MCF2L2: variants seen among roughly 807,000 people sequenced by gnomAD.
The protein encoded by MCF2L2 is MCF.2 cell line derived transforming sequence-like 2, also known as probable guanine nucleotide exchange factor MCF2L2.
Under a neutral mutation model 150.2 loss-of-function variants are expected in MCF2L2, and 102 were observed. That is an observed-to-expected ratio of 0.68 (90% CI 0.58 to 0.80). The LOEUF (loss-of-function observed/expected upper bound fraction) is 0.80. Among genes scored for constraint, MCF2L2 ranks in the 30% least tolerant of loss-of-function variants. MCF2L2 has a pLI of 0.00. For synonymous variants in MCF2L2, 465 were observed against 491.3 expected (o/e 0.95, Z 0.71); for missense variants, 1,256 against 1,372.8 (o/e 0.91, Z 1.34).
intron 7 of MCF2L2, among the ~76,000 whole-genome samples, chr3:183,312,576 G>A (rs1304594233): frequency 2.0e-5 from 3 of 152,204 alleles, no homozygotes; most frequent in Non-Finnish European, 2.9e-5. Flanking sequence ...GTATGCCCTT[G>A]AGCATTAGAA....
At chr3:183,304,932 A>G (rs561887160) in intron 10 of MCF2L2, among the ~76,000 whole-genome samples, 1 of 152,312 alleles carries the variant, frequency 6.6e-6, no homozygotes, top group African/African-American at 2.4e-5. Context: ...AACCTAGCAC[A>G]TGTTCCATAG....
At position 183,338,784 on chromosome 3, in the gene MCF2L2, G is replaced by A. The variant is rs1268202835; in HGVS notation, c.486+16C>T. ...AAGCCCTAACCAAATGAGACAAGAT[G>A]AAAGGTCTTGCTTACCGGCACTTTC... On this transcript the variant is annotated intron_variant, in intron 5 of 29. Transcript: ENST00000328913. The A allele has an allele frequency of 6.3e-7, 1 of 1,590,606 alleles. No individual in the cohort carries two copies. The highest frequency in any genetic ancestry group is 1.3e-5 in the African/African-American group (1 of 74,622).
At chr3:183,232,177 T>G (rs907774566) in intron 15 of MCF2L2, among the ~76,000 whole-genome samples, 5 of 152,140 alleles carry the variant, frequency 3.3e-5, no homozygotes, top group South Asian at 2.1e-4. Context: ...TGGAATGGAA[T>G]GTGGGCAGCC....
chr3:183,185,161 G>A (rs150927262), intron 27 of MCF2L2, among the ~76,000 whole-genome samples: 105 of 152,278 alleles, frequency 6.9e-4, no homozygotes, highest in Non-Finnish European at 1.4e-3. Context: ...CACGTGATCC[G>A]CCCACCTTGG....
At chr3:183,194,625 G>A (rs1722021768) in intron 26 of MCF2L2, among the ~76,000 whole-genome samples, 1 of 152,084 alleles carries the variant, frequency 6.6e-6, no homozygotes, top group African/African-American at 2.4e-5. Flanking sequence ...GGGAGGTTTC[G>A]AACTGGCAGA....
intron 25 of MCF2L2, among the ~76,000 whole-genome samples, chr3:183,200,591 G>A (rs1360919790): frequency 3.3e-5 from 5 of 152,140 alleles, no homozygotes; most frequent in African/African-American, 1.2e-4. Context: ...CACTCTGATG[G>A]TAGTTTCTTT....
rs1361131335 is a variant in MCF2L2, at chr3:183,270,766, A to T, written c.1862+6106T>A. ...ATCTATGAAAAAATGATGACATCTCATGGACACTTAGAAGATCTCCAGGAC... is the reference window on the plus strand; with the variant it reads ...ATCTATGAAAAAATGATGACATCTCTTGGACACTTAGAAGATCTCCAGGAC... On this transcript the variant is annotated intron_variant, in intron 15 of 29. Coordinates refer to ENST00000328913, the MANE Select transcript of MCF2L2 (RefSeq NM_015078.4). This position sits in a 1 kb window ranked among gnomAD's most constrained non-coding sequence, Gnocchi z 4.5. 1 of 1,613,824 alleles carries T rather than the reference A, an allele frequency of 6.2e-7. No homozygotes were observed. Among genetic ancestry groups the T allele is most frequent in the Non-Finnish European group, 8.5e-7 (1 of 1,179,862 alleles).
chr3:183,216,865 A>G (rs1011175864), intron 21 of MCF2L2, among the ~76,000 whole-genome samples: 1 of 150,894 alleles, frequency 6.6e-6, no homozygotes, highest in Non-Finnish European at 1.5e-5. Flanking sequence ...TTGGCCTCCT[A>G]AAGTGCTGGG....
intron 15 of MCF2L2, among the ~76,000 whole-genome samples, chr3:183,263,634 A>T (rs1226094141): frequency 1.3e-5 from 2 of 152,068 alleles, no homozygotes; most frequent in Non-Finnish European, 2.9e-5. Flanking sequence ...CTTCATGCTC[A>T]GAGTACCCAC....
chr3:183,386,758 C>T (rs1340484441), intron 2 of MCF2L2, among the ~76,000 whole-genome samples: 1 of 152,218 alleles, frequency 6.6e-6, no homozygotes, highest in African/African-American at 2.4e-5. Flanking sequence ...TGTTTTACAG[C>T]AACAACTATA....
intron 15 of MCF2L2, among the ~76,000 whole-genome samples, chr3:183,248,232 T>C (rs1724347384): frequency 6.6e-6 from 1 of 152,180 alleles, no homozygotes; most frequent in African/African-American, 2.4e-5. Context: ...TAGGTATTAA[T>C]ATTGGGCTTT....
intron 3 of MCF2L2, chr3:183,375,683 C>A (rs1241247586): frequency 1.3e-5 from 2 of 152,152 alleles, no homozygotes. Context: ...TAATTAATTT[C>A]AGGCACAAAG....
At chr3:183,239,576 A>AC (rs143520154) in intron 15 of MCF2L2, among the ~76,000 whole-genome samples, 1,125 of 109,188 alleles carry the variant, frequency 0.01, 10 homozygotes, top group African/African-American at 0.037. Flanking sequence ...TGCCCCTGTC[A>AC]CCCCCCCTTC....
chr3:183,243,366 T>C (rs1724115319), intron 15 of MCF2L2, among the ~76,000 whole-genome samples: 1 of 152,182 alleles, frequency 6.6e-6, no homozygotes, highest in Admixed American at 6.5e-5. Flanking sequence ...TTCCAATCAA[T>C]GCCCTCATTT....
intron 6 of MCF2L2, among the ~76,000 whole-genome samples, chr3:183,319,580 A>C (rs907846828): frequency 6.6e-6 from 1 of 152,214 alleles, no homozygotes; most frequent in Admixed American, 6.5e-5. Flanking sequence ...CATATTTCTT[A>C]AATAGTAAAA....
chr3:183,220,032 G>A (rs892628084), intron 20 of MCF2L2, 108 bp from the exon 21 acceptor site: 13 of 772,114 alleles, frequency 1.7e-5, no homozygotes, highest in Non-Finnish European at 2.5e-5. Flanking sequence ...ATGCTAAGCT[G>A]ACTGAGAACG....
At chr3:183,412,885 T>C (rs1189729108) in intron 1 of MCF2L2, among the ~76,000 whole-genome samples, 4 of 152,130 alleles carry the variant, frequency 2.6e-5, no homozygotes, top group African/African-American at 9.7e-5. Context: ...CTTTATCAGG[T>C]TGAGGAAACT....
At chr3:183,387,482 T>C (rs976467060) in intron 2 of MCF2L2, among the ~76,000 whole-genome samples, 4 of 152,156 alleles carry the variant, frequency 2.6e-5, no homozygotes, top group Non-Finnish European at 5.9e-5. Context: ...ATATTTATTG[T>C]GAGCATGACA....
chr3:183,312,274 T>C (rs573791764), intron 7 of MCF2L2, among the ~76,000 whole-genome samples: 35 of 152,332 alleles, frequency 2.3e-4, no homozygotes, highest in African/African-American at 8.2e-4. Flanking sequence ...TATTTAAGTT[T>C]GGCAGATATG....
Sources: gnomAD v4.1 joint callset for allele counts (sites outside exome capture counted in the v4.1 genomes callset) on GRCh38, gnomAD v4.1.1 for gene constraint, Gnocchi (gnomAD v3.1) non-coding constraint, MANE v1.5 for transcripts, NCBI Gene and HGNC (gene_info 2026-07-23, HGNC 2026-07-21) for gene names.